ZNHIT6: variants seen among roughly 807,000 people sequenced by gnomAD.
ZNHIT6 encodes box C/D snoRNA protein 1.
Under a neutral mutation model 57.2 loss-of-function variants are expected in ZNHIT6, and 45 were observed. The ratio of observed to expected loss-of-function variants is 0.79; its 90% CI spans 0.62 to 1.01. ZNHIT6 has a LOEUF of 1.01. Ranked by LOEUF, ZNHIT6 falls within the 50% of genes least tolerant of loss-of-function variation. ZNHIT6 has a pLI of 0.00. For synonymous variants in ZNHIT6, 188 were observed against 190.0 expected (o/e 0.99, Z 0.09); for missense variants, 528 against 567.3 (o/e 0.93, Z 0.70).
chr1:85,678,637 G>T, intron 7 of ZNHIT6, 64 bp downstream of exon 7: 1 of 1,063,388 alleles, frequency 9.4e-7, no homozygotes, highest in Non-Finnish European at 1.4e-6. Flanking sequence ...AGTCATGGAT[G>T]ACCCTAATAA....
At chr1:85,702,384 A>C in intron 4 of ZNHIT6, 124 bp from the exon 5 acceptor site, 2 of 621,922 alleles carry the variant, frequency 3.2e-6, no homozygotes, top group Non-Finnish European at 5.7e-6. Context: ...AGCTCTAAGC[A>C]GTAATCTCAT....
intron 9 of ZNHIT6, among the ~76,000 whole-genome samples, chr1:85,654,990 T>G (rs1042481441): frequency 6.6e-6 from 1 of 152,160 alleles, no homozygotes; most frequent in South Asian, 2.1e-4. Flanking sequence ...ATATTCCAAC[T>G]GACAAGTTCC....
At chr1:85,701,665 GT>G (rs753976642) in intron 5 of ZNHIT6, among the ~76,000 whole-genome samples, 27 of 152,264 alleles carry the variant, frequency 1.8e-4, no homozygotes, top group Non-Finnish European at 1.9e-4. Flanking sequence ...CAGGCGTCCT[GT>G]TTTTACTCGT....
chr1:85,657,704 C>T, intron 9 of ZNHIT6, 143 bp downstream of exon 9: 1 of 731,936 alleles, frequency 1.4e-6, no homozygotes, highest in Non-Finnish European at 2.1e-6. Flanking sequence ...TTACCTGGTT[C>T]TTCACATTAA....
chr1:85,679,696 T>C (rs1278962772), intron 6 of ZNHIT6, among the ~76,000 whole-genome samples: 1 of 151,730 alleles, frequency 6.6e-6, no homozygotes, highest in Non-Finnish European at 1.5e-5. Context: ...GCTATTCTCA[T>C]GCCTCAGCTT....
At chr1:85,661,824 G>A (rs766931639) in intron 8 of ZNHIT6, among the ~76,000 whole-genome samples, 1 of 152,074 alleles carries the variant, frequency 6.6e-6, no homozygotes, top group Admixed American at 6.6e-5. Flanking sequence ...GCTACCATAA[G>A]ACAAACTACT....
chr1:85,697,272 G>T (rs1662402382), intron 5 of ZNHIT6, among the ~76,000 whole-genome samples: 1 of 151,802 alleles, frequency 6.6e-6, no homozygotes, highest in Admixed American at 6.6e-5. Context: ...AGACTTTTTT[G>T]GTCCAGTCTT....
chr1:85,687,298 AC>A lies in ZNHIT6; in HGVS notation c.1020-6395del, dbSNP rs1557861066. Reference sequence around the variant, plus strand: ...GACTATCTCAAAAAACAAAAAAAAAACAAAAAAAAAAAACAATTTAGAACCC... The same window carrying A: ...GACTATCTCAAAAAACAAAAAAAAAAAAAAAAAAAAAACAATTTAGAACCC... On this transcript the variant is annotated intron_variant, in intron 5 of 9. Coordinates refer to ENST00000370574, the MANE Select transcript of ZNHIT6 (RefSeq NM_017953.4). Among the ~76,000 whole-genome samples the A allele has an allele frequency of 8.1e-3, 1,059 of 130,510 alleles. 235 individuals carry two copies. Among genetic ancestry groups the A allele is most frequent in the East Asian group, 0.044 (165 of 3,788 alleles). 85.6% of individuals were successfully genotyped at this position (130,510 alleles called of 152,430 possible). A position where few individuals can be genotyped will look rare whatever the true frequency, so the allele number is the denominator to read the frequency against.
rs552017566 is a variant in ZNHIT6 at position 85,705,789 on chromosome 1, A to G, written c.915+289T>C. 4.6e-5 allele frequency among the ~76,000 whole-genome samples: 7 copies of G among 152,214 alleles called. No homozygotes were observed. In the South Asian group the frequency reaches 1.2e-3, roughly 27 times the overall value. On this transcript the variant is annotated intron_variant, in intron 4 of 9. Coordinates refer to ENST00000370574, the MANE Select transcript of ZNHIT6 (RefSeq NM_017953.4). ...ATAGTACCCTGACAATCTCTCCCCA[A>G]CAAAGACCATTTTCATTCTCTCTTT...
At chr1:85,673,677 T>C (rs1439058229) in intron 8 of ZNHIT6, among the ~76,000 whole-genome samples, 1 of 151,894 alleles carries the variant, frequency 6.6e-6, no homozygotes, top group Non-Finnish European at 1.5e-5. Context: ...TTAGAATGCT[T>C]ATCTTAAATT....
intron 7 of ZNHIT6, among the ~76,000 whole-genome samples, chr1:85,677,546 T>A (rs1483870907): frequency 6.6e-6 from 1 of 152,246 alleles, no homozygotes; most frequent in Non-Finnish European, 1.5e-5. Flanking sequence ...TTAATCTGGC[T>A]ATATAATTTT....
chr1:85,665,001 T>C (rs1415810216), intron 8 of ZNHIT6, among the ~76,000 whole-genome samples: 1 of 152,028 alleles, frequency 6.6e-6, no homozygotes, highest in Non-Finnish European at 1.5e-5. Context: ...TCGGCTAATG[T>C]TTGTATGTTT....
chr1:85,703,448 C>A (rs1662593520), intron 4 of ZNHIT6, among the ~76,000 whole-genome samples: 1 of 151,968 alleles, frequency 6.6e-6, no homozygotes, highest in Non-Finnish European at 1.5e-5. Context: ...TACCAGTAGG[C>A]CAACAGAATG....
At chr1:85,687,310 A>AAAAAAAAAAAATTT (rs1557861254) in intron 5 of ZNHIT6, among the ~76,000 whole-genome samples, 1 of 143,582 alleles carries the variant, frequency 7.0e-6, no homozygotes, top group Non-Finnish European at 1.5e-5. Context: ...AAAAAAAAAA[A>AAAAAAAAAAAATTT]ACAATTTAGA....
At chr1:85,672,861 T>C (rs778372135) in intron 8 of ZNHIT6, among the ~76,000 whole-genome samples, 3 of 149,790 alleles carry the variant, frequency 2.0e-5, no homozygotes, top group South Asian at 4.2e-4. Flanking sequence ...AAAAACAAAA[T>C]GTATCTAAAT....
intron 8 of ZNHIT6, among the ~76,000 whole-genome samples, chr1:85,672,084 A>C (rs1661570249): frequency 6.6e-6 from 1 of 152,120 alleles, no homozygotes; most frequent in Admixed American, 6.5e-5. Context: ...AAGATATCCT[A>C]ATAATTAGTA....
Position 85,667,961 on chromosome 1 carries a change from A to AAAAAAATATGTATATATATATAT in ZNHIT6, c.1247+9274_1247+9275insATATATATATATACATATTTTTT. 8.8e-4 allele frequency among the ~76,000 whole-genome samples: 16 copies of AAAAAAATATGTATATATATATAT among 18,200 alleles called. 3 individuals are homozygous for AAAAAAATATGTATATATATATAT. Among genetic ancestry groups the AAAAAAATATGTATATATATATAT allele is most frequent in the African/African-American group, 3.2e-3 (15 of 4,706 alleles). 11.9% of individuals were successfully genotyped at this position (18,200 alleles called of 152,430 possible). A position where few individuals can be genotyped will look rare whatever the true frequency, so the allele number is the denominator to read the frequency against. On this transcript the variant is annotated intron_variant, in intron 8 of 9. Coordinates refer to ENST00000370574, the MANE Select transcript of ZNHIT6 (RefSeq NM_017953.4). Reference sequence around the variant, plus strand: ...ACTCTCTCTTTCAAAAAAAAAAAAAAATATATATATATATATATATATATG... The same window carrying AAAAAAATATGTATATATATATAT: ...ACTCTCTCTTTCAAAAAAAAAAAAAAAAAAAATATGTATATATATATATATATATATATATATATATATATATG...
rs574252281 is a variant in ZNHIT6, at chr1:85,679,634, G to C, written c.1089-853C>G. On this transcript the variant is annotated intron_variant, in intron 6 of 9. Transcript: ENST00000370574. ...GAGTCTTGCTCTGTCGCCCAGGCTG[G>C]AGTGCAGTGGCATGATCTTGGCTCA... 4.1e-3 allele frequency among the ~76,000 whole-genome samples: 610 copies of C among 148,858 alleles called. 6 individuals are homozygous for C. Among genetic ancestry groups the C allele is most frequent in the Middle Eastern group, 7.0e-3 (2 of 286 alleles).
chr1:85,689,554 G>A (rs1221344899), intron 5 of ZNHIT6, among the ~76,000 whole-genome samples: 2 of 152,162 alleles, frequency 1.3e-5, no homozygotes, highest in African/African-American at 2.4e-5. Context: ...TACCACTACT[G>A]CATGAAAATA....
Sources: allele counts gnomAD v4.1 joint callset (sites outside exome capture counted in the v4.1 genomes callset), GRCh38; gene constraint gnomAD v4.1.1; transcripts MANE v1.5; gene names NCBI Gene and HGNC (gene_info 2026-07-23, HGNC 2026-07-21).